NLRP14: variants seen among roughly 807,000 people sequenced by gnomAD.
NLRP14 encodes NLR family pyrin domain containing 14, also known as NACHT, LRR and PYD domains-containing protein 14.
Under a neutral mutation model 94.7 loss-of-function variants are expected in NLRP14, and 105 were observed. That is an observed-to-expected ratio of 1.11 (90% CI 0.95 to 1.30). NLRP14 has a LOEUF of 1.30. Among genes scored for constraint, NLRP14 ranks in the 50% most tolerant of loss-of-function variants. The pLI is 0.00. For missense variants in NLRP14, 1,362 were observed against 1,254.1 expected (o/e 1.09, Z -1.30); for synonymous variants, 508 against 459.9 (o/e 1.10, Z -1.34).
At chr11:7,083,001 A>G in the NLRP14 span, among the ~76,000 whole-genome samples, 1 of 152,248 alleles carries the variant, frequency 6.6e-6, no homozygotes, top group Non-Finnish European at 1.5e-5. Context: ...CAGCACTTGC[A>G]GTTGCAGCCT....
intron 1 of NLRP14, among the ~76,000 whole-genome samples, chr11:7,023,534 T>C (rs1261427780): frequency 6.8e-6 from 1 of 146,398 alleles, no homozygotes; most frequent in Non-Finnish European, 1.5e-5. Flanking sequence ...AATATATTTA[T>C]ATTTATATTA....
At chr11:7,064,931 G>C (rs924871319) in intron 10 of NLRP14, among the ~76,000 whole-genome samples, 1 of 151,710 alleles carries the variant, frequency 6.6e-6, no homozygotes, top group African/African-American at 2.4e-5. Flanking sequence ...CCTGGGTTCT[G>C]TTTTCCTTTC....
In NLRP14 at chr11:7,070,319, T is replaced by G; in HGVS notation, c.3009T>G (p.Cys1003Trp). ...LEYCGLTSLC[C>W]QDLSSALICN... The stretch of plus-strand genomic sequence containing the variant: ...ACTGTGGTTTGACATCTCTCTGCTG[T>G]CAAGATCTCTCCTCTGCTCTTATCT... Residue 1003 changes from cysteine to tryptophan, a missense_variant, in exon 11 of 12, where the codon TGT (cysteine) becomes TGG (tryptophan). Cys to Trp is a radical substitution (Grantham distance 215). Transcript: ENST00000299481. 6.2e-7 allele frequency: 1 copy of G among 1,612,254 alleles called. No homozygotes were observed. Among genetic ancestry groups the G allele is most frequent in the Non-Finnish European group, 8.5e-7 (1 of 1,178,432 alleles).
intron 1 of NLRP14, among the ~76,000 whole-genome samples, chr11:7,025,263 G>T (rs970963358): frequency 6.6e-6 from 1 of 152,080 alleles, no homozygotes; most frequent in Admixed American, 6.6e-5. Context: ...CTAAAAAATT[G>T]TTCAATAGCA....
At chr11:7,027,409 C>G (rs1852031719) in intron 1 of NLRP14, among the ~76,000 whole-genome samples, 2 of 152,046 alleles carry the variant, frequency 1.3e-5, no homozygotes, top group South Asian at 4.1e-4. Flanking sequence ...GTAGAGTCCT[C>G]ACATGGCAGA....
chr11:7,035,958 C>G (rs1054942247), intron 1 of NLRP14, among the ~76,000 whole-genome samples: 10 of 152,188 alleles, frequency 6.6e-5, no homozygotes, highest in African/African-American at 2.4e-4. Context: ...GGCCATTTGT[C>G]AACTCTATGA....
At chr11:7,057,324 C>T (rs1449349104) in intron 6 of NLRP14, among the ~76,000 whole-genome samples, 1 of 151,968 alleles carries the variant, frequency 6.6e-6, no homozygotes, top group African/African-American at 2.4e-5. Context: ...TTTCAGAAGT[C>T]AGAGTGTAGA....
chr11:7,024,775 G>GTC (rs1455186398), intron 1 of NLRP14, among the ~76,000 whole-genome samples: 1 of 90,442 alleles, frequency 1.1e-5, no homozygotes, highest in South Asian at 4.3e-4. Context: ...TGTGAAAAAA[G>GTC]TATGTATTTC....
chr11:7,021,001 T>C (rs920025819), intron 1 of NLRP14, among the ~76,000 whole-genome samples: 11 of 152,096 alleles, frequency 7.2e-5, no homozygotes, highest in Admixed American at 1.3e-4. Context: ...TTTAGCTGAG[T>C]GTGTTATATT....
intron 9 of NLRP14, among the ~76,000 whole-genome samples, chr11:7,060,557 A>G (rs553083788): frequency 2.0e-3 from 304 of 152,106 alleles, no homozygotes; most frequent in Middle Eastern, 6.8e-3. Flanking sequence ...TGTGTCCTCT[A>G]CTTTTATCCA....
rs758438204 is a variant in NLRP14 at position 7,043,039 on chromosome 11, A to G, written c.1013A>G (p.Tyr338Cys). 4 of 1,614,160 alleles carry G rather than the reference A, an allele frequency of 2.5e-6. No homozygotes were observed. The East Asian group carries it at 8.9e-5, about 36-fold the overall frequency. ...LGMSEDAREE[Y>C]IYQFFEDKRW... ...ATGTCTGAGGATGCAAGAGAGGAGT[A>G]TATTTACCAGTTTTTTGAAGATAAG... The change falls in exon 4 of 12, where the codon TAT becomes TGT. Residue 338 changes from tyrosine to cysteine, a missense_variant. Coordinates refer to ENST00000299481, the MANE Select transcript of NLRP14 (RefSeq NM_176822.4).
rs1372394517 is a variant in NLRP14 at position 7,038,774 on chromosome 11, A to G, written c.188A>G (p.Lys63Arg). 1.2e-6 allele frequency: 2 copies of G among 1,613,538 alleles called. No individual in the cohort carries two copies. Among genetic ancestry groups the G allele is most frequent in the Admixed American group, 3.3e-5 (2 of 59,866 alleles). Residue 63 changes from lysine to arginine, a missense_variant, in exon 2 of 12, where the codon AAG becomes AGG. Lys to Arg is a conservative substitution (Grantham distance 26, BLOSUM62 2). Coordinates refer to ENST00000299481, the MANE Select transcript of NLRP14 (RefSeq NM_176822.4). ...CGGGAGGACCTGGCCAATTTGATGA[A>G]GAAATATTATCCAGGAGAGAAAGCC... ...ARREDLANLM[K>R]KYYPGEKAWS... is the part of the protein sequence containing the mutation.
At chr11:7,028,687 C>T (rs1388388939) in intron 1 of NLRP14, among the ~76,000 whole-genome samples, 2 of 152,128 alleles carry the variant, frequency 1.3e-5, no homozygotes, top group African/African-American at 2.4e-5. Flanking sequence ...GATTCGTATT[C>T]CATTATTTCG....
intron 1 of NLRP14, among the ~76,000 whole-genome samples, chr11:7,028,098 C>T (rs117094684): frequency 0.035 from 5,293 of 152,204 alleles, 135 homozygotes; most frequent in East Asian, 0.13. Flanking sequence ...CACCTATAAG[C>T]TAGTGACTTC....
the NLRP14 span, chr11:7,089,552 C>G: frequency 1.7e-6 from 2 of 1,200,522 alleles, no homozygotes; most frequent in Non-Finnish European, 2.1e-6. Context: ...CCTCCAGGGC[C>G]CCGATGCCCA....
chr11:7,088,926 C>T, the NLRP14 span: 1 of 640,376 alleles, frequency 1.6e-6, no homozygotes, highest in East Asian at 2.8e-5. Context: ...GCGAATTGGC[C>T]CTCTGGAAAC....
Position 7,049,853 on chromosome 11 carries a change from G to A in NLRP14, c.2291+15G>A, listed in dbSNP as rs1448398453. 10 of 1,606,174 alleles carry A rather than the reference G, an allele frequency of 6.2e-6. No individual in the cohort carries two copies. Among genetic ancestry groups the A allele is most frequent in the African/African-American group, 1.3e-5 (1 of 74,774 alleles). ...CAGACTCTCAGGTAAGCTTTGAATTGTTTTGTCTTGTTTTGTTTTTATAAT... is the reference window on the plus strand; with the variant it reads ...CAGACTCTCAGGTAAGCTTTGAATTATTTTGTCTTGTTTTGTTTTTATAAT... On this transcript the variant is annotated intron_variant, in intron 6 of 11. Transcript: ENST00000299481.
At chr11:7,064,782 T>C (rs1299021968) in intron 10 of NLRP14, among the ~76,000 whole-genome samples, 2 of 152,116 alleles carry the variant, frequency 1.3e-5, no homozygotes, top group African/African-American at 4.8e-5. Flanking sequence ...TAAAAATATA[T>C]GTAGCTGTAA....
chr11:7,044,033 G>A lies in NLRP14; in HGVS notation c.1958+49G>A, dbSNP rs181813603. Reference sequence around the variant, plus strand: ...TGGAAGTGCCCTGTAAGGGAGAGACGTAGATATTTGTCAGAGGGAGGAGGC... The same window carrying A: ...TGGAAGTGCCCTGTAAGGGAGAGACATAGATATTTGTCAGAGGGAGGAGGC... On this transcript the variant is annotated intron_variant, in intron 4 of 11. Transcript: ENST00000299481. 543 of 1,563,482 alleles carry A rather than the reference G, an allele frequency of 3.5e-4. 1 individual carries two copies. The African/African-American group carries it at 6.6e-3, about 19-fold the overall frequency.
Sources: gnomAD v4.1 joint callset for allele counts (sites outside exome capture counted in the v4.1 genomes callset) on GRCh38, gnomAD v4.1.1 for gene constraint, MANE v1.5 for transcripts, NCBI Gene and HGNC (gene_info 2026-07-23, HGNC 2026-07-21) for gene names.